DNAH6: variants seen among roughly 807,000 people sequenced by gnomAD.
DNAH6 encodes dynein axonemal heavy chain 6, also known as axonemal beta dynein heavy chain 6.
DNAH6 carries 340 observed loss-of-function variants against 491.4 expected under a neutral mutation model. The ratio of observed to expected loss-of-function variants is 0.69; its 90% CI spans 0.63 to 0.76. The LOEUF (loss-of-function observed/expected upper bound fraction) is 0.76, where lower values mean the gene tolerates loss of function less well. DNAH6 is among the 30% of genes least tolerant of loss of function. DNAH6 has a pLI of 0.00. For missense variants in DNAH6, 4,443 were observed against 4,972.2 expected (o/e 0.89, Z 3.20); for synonymous variants, 1,603 against 1,686.1 (o/e 0.95, Z 1.21).
intron 2 of DNAH6, among the ~76,000 whole-genome samples, chr2:84,523,041 G>A (rs562166263): frequency 1.3e-5 from 2 of 152,066 alleles, no homozygotes; most frequent in East Asian, 1.9e-4. Flanking sequence ...CAGTAGGAAT[G>A]GTACCAGCTC....
rs1214102997 is a variant in DNAH6, at chr2:84,605,011, T to C, written c.3081+460T>C. Reference sequence around the variant, plus strand: ...TGTGTTAATGTCAATCAAATAAAATTAAGCAAATTAGTGTCATCTATCCAA... The same window carrying C: ...TGTGTTAATGTCAATCAAATAAAATCAAGCAAATTAGTGTCATCTATCCAA... On this transcript the variant is annotated intron_variant, in intron 19 of 76. Transcript: ENST00000389394. Among the ~76,000 whole-genome samples, 5 of 152,234 alleles carry C rather than the reference T, an allele frequency of 3.3e-5. No individual in the cohort carries two copies. In the East Asian group the frequency reaches 9.7e-4, roughly 29 times the overall value.
chr2:84,464,789 C>T, the DNAH6 span, among the ~76,000 whole-genome samples: 1 of 152,194 alleles, frequency 6.6e-6, no homozygotes, highest in East Asian at 1.9e-4. Flanking sequence ...TCCTTTACTG[C>T]AAACTGTTTG....
intron 63 of DNAH6, among the ~76,000 whole-genome samples, chr2:84,752,370 G>A (rs375827962): frequency 1.1e-4 from 16 of 152,292 alleles, no homozygotes; most frequent in African/African-American, 3.9e-4. Context: ...TACAGATTAA[G>A]CAAGAGTTAC....
rs1376080095 is a variant in DNAH6 at position 84,688,460 on chromosome 2, C to T, written c.7159C>T (p.Arg2387Trp). 14 of 1,530,290 alleles carry T rather than the reference C, an allele frequency of 9.1e-6. No individual in the cohort carries two copies. The highest frequency in any genetic ancestry group is 2.5e-5 in the East Asian group (1 of 39,950). The allele number at this position is 1,530,290 out of a possible 1,614,324, so 94.8% of individuals were successfully genotyped here. A position where few individuals can be genotyped will look rare whatever the true frequency, so the allele number is the denominator to read the frequency against. Residue 2387 changes from arginine to tryptophan, a missense_variant, in exon 45 of 77, where the codon CGG becomes TGG. Physicochemically the swap from Arg to Trp is moderately radical, Grantham distance 101. Transcript: ENST00000389394. ...FIKFGADKAD[R>W]IYDDMPDIEK... The stretch of plus-strand genomic sequence containing the variant: ...ATAGTTTGGAGCAGATAAAGCTGAT[C>T]GGATTTATGATGACATGCCTGATAT...
chr2:84,577,220 G>A (rs770089557), intron 12 of DNAH6, 37 bp from the exon 13 acceptor site: 5 of 1,304,312 alleles, frequency 3.8e-6, no homozygotes, highest in East Asian at 5.0e-5. Context: ...AATCCAATAT[G>A]GTATATTTTA....
chr2:84,755,993 A>G (rs368438966), intron 63 of DNAH6, among the ~76,000 whole-genome samples: 22 of 152,336 alleles, frequency 1.4e-4, no homozygotes, highest in African/African-American at 5.3e-4. Flanking sequence ...GCCTGCTGCC[A>G]TCCATGTAAG....
chr2:84,795,222 A>G (rs1678227050), intron 68 of DNAH6, among the ~76,000 whole-genome samples: 1 of 151,344 alleles, frequency 6.6e-6, no homozygotes, highest in Non-Finnish European at 1.5e-5. Context: ...ATGCTAAATG[A>G]CAAGTTAATG....
At chr2:84,618,224 A>G (rs1687069458) in intron 23 of DNAH6, among the ~76,000 whole-genome samples, 1 of 152,118 alleles carries the variant, frequency 6.6e-6, no homozygotes, top group African/African-American at 2.4e-5. Context: ...GAAATCTGGA[A>G]ATACAGGCAG....
At chr2:84,611,619 CAT>C (rs1248841866) in intron 21 of DNAH6, 53 bp from the exon 22 acceptor site, 19 of 1,418,214 alleles carry the variant, frequency 1.3e-5, no homozygotes, top group Non-Finnish European at 1.8e-5. Flanking sequence ...TTACTGTAAC[CAT>C]ATGTTTTTAA....
chr2:84,528,753 G>C (rs528183059), intron 3 of DNAH6, 151 bp from the exon 4 acceptor site: 1 of 701,414 alleles, frequency 1.4e-6, no homozygotes, highest in East Asian at 2.7e-5. Flanking sequence ...CCTAACAATA[G>C]TTTGAAAATT....
the DNAH6 span, among the ~76,000 whole-genome samples, chr2:84,466,315 T>C: frequency 2.0e-5 from 3 of 152,224 alleles, no homozygotes; most frequent in Admixed American, 6.5e-5. Context: ...GGTAAAATAA[T>C]CAATTTCTCC....
the DNAH6 span, among the ~76,000 whole-genome samples, chr2:84,480,701 G>A: frequency 3.3e-5 from 5 of 152,276 alleles, no homozygotes; most frequent in African/African-American, 9.6e-5. Context: ...GGTGGCTCAC[G>A]CCTGTAATCC....
intron 5 of DNAH6, among the ~76,000 whole-genome samples, chr2:84,545,621 T>TA (rs1678700979): frequency 6.6e-6 from 1 of 152,176 alleles, no homozygotes; most frequent in African/African-American, 2.4e-5. Flanking sequence ...GCCTTTATAG[T>TA]ATCTTCTCTT....
intron 33 of DNAH6, among the ~76,000 whole-genome samples, chr2:84,652,066 T>G (rs1171293580): frequency 6.6e-6 from 1 of 152,072 alleles, no homozygotes; most frequent in East Asian, 1.9e-4. Context: ...ATTTAGATTT[T>G]TTCCTAATTG....
chr2:84,759,655 TAAG>T (rs1055582279), intron 63 of DNAH6, among the ~76,000 whole-genome samples: 17 of 152,230 alleles, frequency 1.1e-4, no homozygotes, highest in Admixed American at 3.3e-4. Context: ...TGCCCATGGA[TAAG>T]AAGAATTACT....
Position 84,557,864 on chromosome 2 carries a change from G to C in DNAH6, c.1732G>C (p.Gly578Arg). 6.2e-7 allele frequency: 1 copy of C among 1,612,608 alleles called. No homozygotes were observed. Among genetic ancestry groups the C allele is most frequent in the Non-Finnish European group, 8.5e-7 (1 of 1,179,296 alleles). ...INNKLEGKTC[G>R]TGPSLAAVFE... Reference sequence around the variant, plus strand: ...CAACAAACTTGAAGGAAAAACCTGTGGAACTGGGCCAAGTTTAGCAGCAGT... The same window carrying C: ...CAACAAACTTGAAGGAAAAACCTGTCGAACTGGGCCAAGTTTAGCAGCAGT... Residue 578 changes from glycine (G) to arginine (R), a missense_variant, in exon 11 of 77, where the codon GGA becomes CGA. Gly to Arg is a moderately radical substitution (Grantham distance 125). Transcript: ENST00000389394.
chr2:84,658,913 A>G (rs1040672771), intron 36 of DNAH6, 113 bp from the exon 37 acceptor site: 4 of 640,738 alleles, frequency 6.2e-6, no homozygotes, highest in Non-Finnish European at 1.0e-5. Flanking sequence ...CACTGTGCCC[A>G]TTTAAAAATG....
chr2:84,552,880 C>A, intron 9 of DNAH6, 38 bp from the exon 10 acceptor site: 2 of 1,220,600 alleles, frequency 1.6e-6, no homozygotes, highest in Non-Finnish European at 2.3e-6. Context: ...GACCTTGATA[C>A]TTGTGTCTTT....
At chr2:84,805,186 A>G (rs1679305177) in intron 70 of DNAH6, among the ~76,000 whole-genome samples, 1 of 152,250 alleles carries the variant, frequency 6.6e-6, no homozygotes, top group Non-Finnish European at 1.5e-5. Flanking sequence ...TATAACAGTA[A>G]CAACTATGTA....
Sources: allele counts gnomAD v4.1 joint callset (sites outside exome capture counted in the v4.1 genomes callset), GRCh38; gene constraint gnomAD v4.1.1; transcripts MANE v1.5; gene names NCBI Gene and HGNC (gene_info 2026-07-23, HGNC 2026-07-21).